Variants in TGIF1 observed in about 807,000 individuals in gnomAD.
TGIF1 encodes TGFB induced factor homeobox 1, also known as homeobox protein TGIF1.
A neutral mutation model predicts 19.3 loss-of-function variants in TGIF1; 4 were observed. The ratio of observed to expected loss-of-function variants is 0.21; its 90% CI spans 0.10 to 0.47. The LOEUF (loss-of-function observed/expected upper bound fraction) is 0.47, where lower values mean the gene tolerates loss of function less well. TGIF1 is among the 20% of genes least tolerant of loss of function. The pLI is 0.98. For synonymous variants in TGIF1, 122 were observed against 129.3 expected (o/e 0.94, Z 0.38); for missense variants, 275 against 341.4 (o/e 0.81, Z 1.53).
intron 2 of TGIF1, among the ~76,000 whole-genome samples, chr18:3,427,947 A>T (rs1200280324): frequency 6.6e-6 from 1 of 152,188 alleles, no homozygotes; most frequent in African/African-American, 2.4e-5. Flanking sequence ...AAAACAATCT[A>T]TGGCTGCCGT....
intron 1 of TGIF1, among the ~76,000 whole-genome samples, chr18:3,414,942 A>T (rs1429255444): frequency 6.6e-6 from 1 of 152,214 alleles, no homozygotes; most frequent in Non-Finnish European, 1.5e-5. Context: ...GATCAAGGAG[A>T]AAGTGATACT....
At chr18:3,452,258 C>CCT in intron 1 of TGIF1, 1 of 1,609,646 alleles carries the variant, frequency 6.2e-7, no homozygotes, top group Non-Finnish European at 8.5e-7. Context: ...AGCCGCGTGC[C>CCT]CTCTCCCCGG....
At chr18:3,416,006 A>G (rs1201405224) in intron 1 of TGIF1, among the ~76,000 whole-genome samples, 2 of 152,230 alleles carry the variant, frequency 1.3e-5, no homozygotes, top group African/African-American at 4.8e-5. Flanking sequence ...GAACAATAAC[A>G]ATATAAAGGG....
upstream of TGIF1, among the ~76,000 whole-genome samples, chr18:3,446,237 G>A (rs1458373894): frequency 6.6e-6 from 1 of 152,158 alleles, no homozygotes; most frequent in East Asian, 1.9e-4. Flanking sequence ...AGGCTGGAGT[G>A]CAATGGCACG....
At chr18:3,430,137 A>G (rs1289212558) in intron 2 of TGIF1, among the ~76,000 whole-genome samples, 1 of 152,238 alleles carries the variant, frequency 6.6e-6, no homozygotes, top group African/African-American at 2.4e-5. Flanking sequence ...GCTGGGTGAC[A>G]GAGTAAGACT....
chr18:3,450,640 T>C, intron 1 of TGIF1, 135 bp downstream of exon 1: 1 of 1,513,806 alleles, frequency 6.6e-7, no homozygotes, highest in Non-Finnish European at 8.9e-7. Flanking sequence ...GCCGTGCTCT[T>C]TGTTGAGGCT....
chr18:3,416,670 C>G (rs1416028648), intron 1 of TGIF1, among the ~76,000 whole-genome samples: 1 of 152,066 alleles, frequency 6.6e-6, no homozygotes, highest in Non-Finnish European at 1.5e-5. Context: ...GTGGCTCACA[C>G]CTGTAATCCC....
intron 1 of TGIF1, among the ~76,000 whole-genome samples, chr18:3,414,482 C>T (rs1373424465): frequency 1.3e-4 from 20 of 152,242 alleles, no homozygotes; most frequent in Admixed American, 1.3e-3. Context: ...CAGAGTTCAT[C>T]TCTAAGTCTA....
chr18:3,439,178 A>G (rs1490750791), intron 2 of TGIF1, among the ~76,000 whole-genome samples: 5 of 152,058 alleles, frequency 3.3e-5, no homozygotes, highest in Admixed American at 3.3e-4. Flanking sequence ...TGGGTCATGA[A>G]TTGATCATTG....
chr18:3,447,758 A>G (rs1568042891), upstream of TGIF1: 1 of 1,614,116 alleles, frequency 6.2e-7, no homozygotes, highest in East Asian at 2.2e-5. Context: ...CTCGGGCAAA[A>G]GTTGTGCATT....
chr18:3,442,327 T>C (rs546542445), intron 2 of TGIF1, among the ~76,000 whole-genome samples: 2 of 152,120 alleles, frequency 1.3e-5, no homozygotes, highest in South Asian at 4.1e-4. Flanking sequence ...AGCCCTTTAA[T>C]GGAAAGAAAA....
At position 3,456,718 on chromosome 18, in the gene TGIF1, G is replaced by A; in HGVS notation, c.243+138G>A. On this transcript the variant is annotated intron_variant, in intron 2 of 2. Transcript: ENST00000343820. This position sits in a 1 kb window ranked among gnomAD's most constrained non-coding sequence, Gnocchi z 4.2. ...ATCTTTTTATTGTAAACTTGATAGT[G>A]TTAAAAGCTAATAACTAGCTATTTA... The A allele has an allele frequency of 1.2e-6, 1 of 808,706 alleles. No individual in the cohort carries two copies. Among genetic ancestry groups the A allele is most frequent in the Non-Finnish European group, 2.1e-6 (1 of 479,832 alleles). 50.1% of individuals were successfully genotyped at this position (808,706 alleles called of 1,614,324 possible). A position where few individuals can be genotyped will look rare whatever the true frequency, so the allele number is the denominator to read the frequency against.
intron 2 of TGIF1, among the ~76,000 whole-genome samples, chr18:3,432,297 C>T (rs1354176687): frequency 6.6e-6 from 1 of 152,092 alleles, no homozygotes; most frequent in Non-Finnish European, 1.5e-5. Flanking sequence ...TGCCAAGGTC[C>T]TGAACGACAA....
chr18:3,422,673 CTTT>C (rs869116407), intron 2 of TGIF1, among the ~76,000 whole-genome samples: 6 of 24,660 alleles, frequency 2.4e-4, no homozygotes, highest in African/African-American at 3.6e-4. Flanking sequence ...TATAGGTGGC[CTTT>C]TTTTTTTTTT....
chr18:3,445,759 G>T (rs139982246), upstream of TGIF1, among the ~76,000 whole-genome samples: 4 of 31,532 alleles, frequency 1.3e-4, no homozygotes, highest in South Asian at 1.3e-3. Flanking sequence ...AAAAAGAGAA[G>T]AAAAGCAAAA....
intron 2 of TGIF1, among the ~76,000 whole-genome samples, chr18:3,428,582 A>G (rs1203982460): frequency 6.6e-6 from 1 of 152,150 alleles, no homozygotes; most frequent in South Asian, 2.1e-4. Context: ...CTAAAATACA[A>G]AAAGATTATC....
At chr18:3,434,794 CTT>C (rs2082594112) in intron 2 of TGIF1, among the ~76,000 whole-genome samples, 1 of 152,144 alleles carries the variant, frequency 6.6e-6, no homozygotes, top group Non-Finnish European at 1.5e-5. Context: ...ACATCGAAGA[CTT>C]CATGATAACA....
intron 1 of TGIF1, chr18:3,452,475 GGTTTCCCTGGCGA>G: frequency 6.3e-7 from 1 of 1,576,338 alleles, no homozygotes; most frequent in South Asian, 1.1e-5. Flanking sequence ...TCCCCTTTTA[GGTTTCCCTGGCGA>G]GTCGTCTGGG....
chr18:3,448,739 G>A, upstream of TGIF1: 1 of 345,600 alleles, frequency 2.9e-6, no homozygotes, highest in Non-Finnish European at 3.4e-6. Flanking sequence ...TTTTTTTTTT[G>A]AGGGAGGGTG....
Sources: gnomAD v4.1 joint callset for allele counts (sites outside exome capture counted in the v4.1 genomes callset) on GRCh38, gnomAD v4.1.1 for gene constraint, Gnocchi (gnomAD v3.1) non-coding constraint, MANE v1.5 for transcripts, NCBI Gene and HGNC (gene_info 2026-07-23, HGNC 2026-07-21) for gene names.